SHB: variants seen among roughly 807,000 people sequenced by gnomAD.
SHB encodes SH2 domain-containing adapter protein B.
A neutral mutation model predicts 52.3 loss-of-function variants in SHB; 20 were observed. The observed-to-expected ratio is 0.38, with a 90% CI of 0.27 to 0.56. SHB has a LOEUF of 0.56. Among genes scored for constraint, SHB ranks in the 20% least tolerant of loss-of-function variants. SHB has a pLI of 0.71. For synonymous variants in SHB, 397 were observed against 316.5 expected, an observed-to-expected ratio of 1.25 and a Z score of -2.70; for missense variants, 825 against 723.3, an observed-to-expected ratio of 1.14 and a Z score of -1.61.
At chr9:37,967,135 C>T (rs1037997786) in intron 3 of SHB, among the ~76,000 whole-genome samples, 8 of 152,284 alleles carry the variant, frequency 5.3e-5, no homozygotes, top group Admixed American at 2.6e-4. Flanking sequence ...ATCTGAGTGA[C>T]GACAATGAAG....
At chr9:38,038,987 C>A (rs1821529945) in intron 1 of SHB, among the ~76,000 whole-genome samples, 1 of 152,192 alleles carries the variant, frequency 6.6e-6, no homozygotes, top group African/African-American at 2.4e-5. Flanking sequence ...GACAGACTGT[C>A]AGCCGTGAAG....
At chr9:37,962,897 G>A (rs73646131) in intron 3 of SHB, among the ~76,000 whole-genome samples, 101 of 152,312 alleles carry the variant, frequency 6.6e-4, no homozygotes, top group African/African-American at 2.3e-3. Context: ...AGTTGTTGTG[G>A]CAAACCTATG....
At chr9:37,993,553 TATAATAATA>T (rs929521332) in intron 2 of SHB, among the ~76,000 whole-genome samples, 25 of 151,906 alleles carry the variant, frequency 1.6e-4, no homozygotes, top group African/African-American at 6.0e-4. Flanking sequence ...GAACTTAAAG[TATAATAATA>T]ATAATAAAAA....
At chr9:38,011,605 C>T (rs1202027159) in intron 2 of SHB, among the ~76,000 whole-genome samples, 1 of 152,114 alleles carries the variant, frequency 6.6e-6, no homozygotes, top group Non-Finnish European at 1.5e-5. Context: ...TTAATGCAGA[C>T]CTCAGAAGTC....
intron 3 of SHB, among the ~76,000 whole-genome samples, chr9:37,969,766 A>G (rs1195757050): frequency 6.6e-6 from 1 of 152,222 alleles, no homozygotes; most frequent in African/African-American, 2.4e-5. Context: ...GCAACCAGGT[A>G]GACCTGCCAC....
At chr9:38,007,111 C>T (rs1301141820) in intron 2 of SHB, among the ~76,000 whole-genome samples, 3 of 152,206 alleles carry the variant, frequency 2.0e-5, no homozygotes, top group South Asian at 2.1e-4. Context: ...GAGCATAGAA[C>T]GGTGCCAGCA....
chr9:37,940,619 A>T (rs1832424391), intron 5 of SHB, among the ~76,000 whole-genome samples: 1 of 152,162 alleles, frequency 6.6e-6, no homozygotes. Flanking sequence ...GCCCTGACTC[A>T]GGCTGGCTCA....
At chr9:37,982,973 G>GCTTT (rs1554702664) in intron 2 of SHB, among the ~76,000 whole-genome samples, 4 of 145,206 alleles carry the variant, frequency 2.8e-5, no homozygotes, top group Non-Finnish European at 4.5e-5. Flanking sequence ...CCTCTCTGGT[G>GCTTT]CCCCCCCCTC....
At chr9:38,005,186 G>A (rs1214672297) in intron 2 of SHB, among the ~76,000 whole-genome samples, 7 of 152,226 alleles carry the variant, frequency 4.6e-5, no homozygotes, top group Non-Finnish European at 7.3e-5. Context: ...TGGGCAGTAG[G>A]AAAAGAGAGG....
intron 2 of SHB, among the ~76,000 whole-genome samples, chr9:38,009,807 AGGG>A (rs1821116282): frequency 6.6e-6 from 1 of 152,244 alleles, no homozygotes; most frequent in Non-Finnish European, 1.5e-5. Context: ...ACGTCAAAGC[AGGG>A]GGGCTCTGTG....
At chr9:38,053,868 AATC>A (rs1821781517) in intron 1 of SHB, among the ~76,000 whole-genome samples, 1 of 152,220 alleles carries the variant, frequency 6.6e-6, no homozygotes, top group Non-Finnish European at 1.5e-5. Context: ...GATTTTATTT[AATC>A]CTCACAACGA....
rs1832128909 is a variant in SHB at position 37,918,374 on chromosome 9, CGTGTGT to C, written c.*1441_*1446del. On this transcript the variant is annotated 3_prime_UTR_variant, in exon 6 of 6. Transcript: ENST00000377707. ...AAGAGAGAGGTCGCGTGTGCGTGTG[CGTGTGT>C]AGGTGTTCTTGTGTGTGGAAGCAGT... Among the ~76,000 whole-genome samples, 3 of 139,090 alleles carry C rather than the reference CGTGTGT, an allele frequency of 2.2e-5. No individual in the cohort carries two copies. The highest frequency in any genetic ancestry group is 7.2e-5 in the Admixed American group (1 of 13,920). 91.2% of individuals were successfully genotyped at this position (139,090 alleles called of 152,430 possible).
chr9:37,950,754 C>T (rs1009681832), intron 4 of SHB, among the ~76,000 whole-genome samples: 1 of 152,178 alleles, frequency 6.6e-6, no homozygotes. Flanking sequence ...TAACAAGTGG[C>T]CCCGCAGGAA....
At chr9:37,943,019 C>G (rs1337120664) in intron 5 of SHB, among the ~76,000 whole-genome samples, 1 of 152,178 alleles carries the variant, frequency 6.6e-6, no homozygotes, top group African/African-American at 2.4e-5. Flanking sequence ...GCACTGCATC[C>G]TGTTTCAAAC....
intron 2 of SHB, among the ~76,000 whole-genome samples, chr9:37,991,802 C>T (rs550791985): frequency 6.6e-6 from 1 of 152,308 alleles, no homozygotes; most frequent in East Asian, 1.9e-4. Flanking sequence ...TGGATGATAA[C>T]CCACAGGCTG....
At chr9:37,986,240 G>C (rs1324385346) in intron 2 of SHB, among the ~76,000 whole-genome samples, 1 of 152,186 alleles carries the variant, frequency 6.6e-6, no homozygotes. Flanking sequence ...CTCCAGGAGA[G>C]GACGATGAGG....
intron 5 of SHB, among the ~76,000 whole-genome samples, chr9:37,945,334 T>C (rs913569551): frequency 4.6e-5 from 7 of 152,204 alleles, no homozygotes; most frequent in African/African-American, 1.7e-4. Flanking sequence ...AGCCAGGATA[T>C]GCAGTACCAG....
At chr9:38,037,968 G>A (rs1490330145) in intron 1 of SHB, among the ~76,000 whole-genome samples, 2 of 152,154 alleles carry the variant, frequency 1.3e-5, no homozygotes, top group Admixed American at 6.5e-5. Flanking sequence ...TTAAAATCTG[G>A]CTCTCTTCCT....
intron 1 of SHB, among the ~76,000 whole-genome samples, chr9:38,036,247 C>T (rs111776426): frequency 3.0e-3 from 464 of 152,316 alleles, no homozygotes; most frequent in African/African-American, 0.01. Context: ...GGGCACTGCC[C>T]TCTCTCCAGA....
Sources: allele counts gnomAD v4.1 joint callset (sites outside exome capture counted in the v4.1 genomes callset), GRCh38; gene constraint gnomAD v4.1.1; transcripts MANE v1.5; gene names NCBI Gene and HGNC (gene_info 2026-07-23, HGNC 2026-07-21).